Variants in TNFRSF19 observed in about 807,000 individuals in gnomAD.
TNFRSF19 encodes the protein tumor necrosis factor receptor superfamily member 19.
A neutral mutation model predicts 46.4 loss-of-function variants in TNFRSF19; 27 were observed. The ratio of observed to expected loss-of-function variants is 0.58; its 90% CI spans 0.43 to 0.80. The LOEUF is 0.80. Ranked by LOEUF, TNFRSF19 falls within the 30% of genes least tolerant of loss-of-function variation. TNFRSF19 has a pLI of 0.00. For synonymous variants in TNFRSF19, 204 were observed against 205.0 expected (o/e 1.00, Z 0.04); for missense variants, 511 against 530.8 (o/e 0.96, Z 0.37).
At chr13:23,573,412 G>A (rs1457875063) in intron 1 of TNFRSF19, among the ~76,000 whole-genome samples, 2 of 151,942 alleles carry the variant, frequency 1.3e-5, no homozygotes, top group African/African-American at 4.8e-5. Flanking sequence ...AATTTAACAC[G>A]TAAAATAATT....
chr13:23,584,387 G>A (rs1013362714), intron 1 of TNFRSF19, among the ~76,000 whole-genome samples: 4 of 152,180 alleles, frequency 2.6e-5, no homozygotes, highest in African/African-American at 9.7e-5. Flanking sequence ...CATCCAGGTT[G>A]CTGTGAATGC....
chr13:23,630,650 C>T (rs1194807362), intron 5 of TNFRSF19, among the ~76,000 whole-genome samples: 1 of 152,126 alleles, frequency 6.6e-6, no homozygotes, highest in African/African-American at 2.4e-5. Flanking sequence ...GCATTGTTCC[C>T]CCAAGTAACT....
At chr13:23,636,882 T>A (rs1278321975) in intron 5 of TNFRSF19, among the ~76,000 whole-genome samples, 1 of 152,208 alleles carries the variant, frequency 6.6e-6, no homozygotes, top group African/African-American at 2.4e-5. Flanking sequence ...CTTTGAGAAA[T>A]AGTGTGGCTT....
chr13:23,581,586 A>C (rs960252666), intron 1 of TNFRSF19, among the ~76,000 whole-genome samples: 1 of 152,152 alleles, frequency 6.6e-6, no homozygotes, highest in Non-Finnish European at 1.5e-5. Flanking sequence ...TATATTTTAT[A>C]ATGGAAAATG....
chr13:23,651,146 G>T (rs999259027), intron 5 of TNFRSF19, among the ~76,000 whole-genome samples: 6 of 152,182 alleles, frequency 3.9e-5, no homozygotes, highest in African/African-American at 1.4e-4. Flanking sequence ...ACTAGAAATA[G>T]ATTCATCATC....
intron 4 of TNFRSF19, among the ~76,000 whole-genome samples, chr13:23,618,584 C>G (rs1477040189): frequency 6.6e-6 from 1 of 152,136 alleles, no homozygotes; most frequent in Non-Finnish European, 1.5e-5. Flanking sequence ...AGGGTACAGC[C>G]AGGTTGGAAA....
chr13:23,577,154 A>G (rs139859490), intron 1 of TNFRSF19, among the ~76,000 whole-genome samples: 99 of 152,366 alleles, frequency 6.5e-4, no homozygotes, highest in African/African-American at 2.3e-3. Context: ...CAACTACTGA[A>G]TGACAGGTTG....
chr13:23,620,990 T>C (rs1046988056), intron 4 of TNFRSF19, among the ~76,000 whole-genome samples: 3 of 152,166 alleles, frequency 2.0e-5, no homozygotes, highest in Non-Finnish European at 4.4e-5. Flanking sequence ...ATCACCCAGC[T>C]TGTAAATGAA....
rs1593309394 is a variant in TNFRSF19 at position 23,673,623 on chromosome 13, C to G, written c.*243C>G. Reference sequence around the variant, plus strand: ...CGACTCATGATACTCTGCATCTTTCCTACATGAGAAGCTTCTCTGCCACAA... The same window carrying G: ...CGACTCATGATACTCTGCATCTTTCGTACATGAGAAGCTTCTCTGCCACAA... On this transcript the variant is annotated 3_prime_UTR_variant, in exon 10 of 10. Transcript: ENST00000248484. 8.6e-7 allele frequency: 1 copy of G among 1,160,616 alleles called. No homozygotes were observed. The highest frequency in any genetic ancestry group is 3.3e-5 in the East Asian group (1 of 30,576). The allele number at this position is 1,160,616 out of a possible 1,614,324, so 71.9% of individuals were successfully genotyped here. A position where few individuals can be genotyped will look rare whatever the true frequency, so the allele number is the denominator to read the frequency against.
chr13:23,655,318 T>A (rs1883911678), intron 5 of TNFRSF19, among the ~76,000 whole-genome samples: 1 of 152,230 alleles, frequency 6.6e-6, no homozygotes, highest in South Asian at 2.1e-4. Flanking sequence ...AAATTTAAGC[T>A]GAAAGAAAAC....
intron 7 of TNFRSF19, among the ~76,000 whole-genome samples, chr13:23,665,862 T>C (rs1282311600): frequency 2.0e-5 from 3 of 152,270 alleles, no homozygotes; most frequent in African/African-American, 7.2e-5. Flanking sequence ...AAAAGTATTC[T>C]GAAAACTTCT....
Position 23,593,470 on chromosome 13 carries a change from T to C in TNFRSF19, c.180+15T>C, listed in dbSNP as rs367848693. The C allele has an allele frequency of 1.3e-4, 200 of 1,527,302 alleles. No individual in the cohort carries two copies. Among genetic ancestry groups the C allele is most frequent in the Non-Finnish European group, 5.6e-5 (62 of 1,115,560 alleles). 94.6% of individuals were successfully genotyped at this position (1,527,302 alleles called of 1,614,324 possible). A position where few individuals can be genotyped will look rare whatever the true frequency, so the allele number is the denominator to read the frequency against. On this transcript the variant is annotated intron_variant, in intron 3 of 9. Transcript: ENST00000248484. ...AGTTGTCTAAGGTATATTGGATACA[T>C]GGCAAAGTTGTGTATCTGTGTTTGT...
intron 2 of TNFRSF19, among the ~76,000 whole-genome samples, 175 bp downstream of exon 2, chr13:23,590,427 C>T (rs879502607): frequency 8.5e-5 from 13 of 152,232 alleles, no homozygotes; most frequent in South Asian, 4.2e-4. Flanking sequence ...CTCTGCCTCC[C>T]GGGTTCAAGT....
At chr13:23,604,053 G>T (rs1271464228) in intron 3 of TNFRSF19, among the ~76,000 whole-genome samples, 1 of 151,866 alleles carries the variant, frequency 6.6e-6, no homozygotes, top group Non-Finnish European at 1.5e-5. Flanking sequence ...TTGGAAGGAA[G>T]AAATAAACTT....
intron 4 of TNFRSF19, among the ~76,000 whole-genome samples, chr13:23,624,069 G>A (rs906050639): frequency 5.3e-5 from 8 of 152,090 alleles, no homozygotes; most frequent in African/African-American, 1.7e-4. Context: ...TCTTCTAGGA[G>A]TTTTATAGTT....
At chr13:23,635,854 A>G (rs1212824173) in intron 5 of TNFRSF19, among the ~76,000 whole-genome samples, 2 of 152,178 alleles carry the variant, frequency 1.3e-5, no homozygotes, top group East Asian at 3.8e-4. Context: ...CTTTCAAAAT[A>G]ATTTTTGAAC....
chr13:23,644,656 A>G (rs999549533), intron 5 of TNFRSF19, among the ~76,000 whole-genome samples: 4 of 152,222 alleles, frequency 2.6e-5, no homozygotes, highest in Admixed American at 6.5e-5. Context: ...ACTAGCTTGG[A>G]AACGCAGCCC....
intron 1 of TNFRSF19, among the ~76,000 whole-genome samples, chr13:23,589,753 A>T (rs979506868): frequency 3.9e-5 from 6 of 152,246 alleles, no homozygotes; most frequent in Non-Finnish European, 7.3e-5. Context: ...TTGTTATTTT[A>T]TCACTATTAT....
chr13:23,623,539 C>T (rs754741197), intron 4 of TNFRSF19, among the ~76,000 whole-genome samples: 1 of 152,164 alleles, frequency 6.6e-6, no homozygotes, highest in Non-Finnish European at 1.5e-5. Flanking sequence ...TTTTCCATAG[C>T]GGCTGCACCA....
Sources: allele counts gnomAD v4.1 joint callset (sites outside exome capture counted in the v4.1 genomes callset), GRCh38; gene constraint gnomAD v4.1.1; transcripts MANE v1.5; gene names NCBI Gene and HGNC (gene_info 2026-07-23, HGNC 2026-07-21).